The following CNTN5 variants were observed in gnomAD, a reference collection of about 807,000 sequenced individuals.
CNTN5 encodes contactin 5.
In CNTN5, 77 loss-of-function variants were observed where a neutral mutation model predicts 129.1. The ratio of observed to expected loss-of-function variants is 0.60; its 90% CI spans 0.50 to 0.72. The LOEUF is 0.72. CNTN5 is among the 30% of genes least tolerant of loss of function. The pLI is 0.00. For missense variants in CNTN5, 1,478 were observed against 1,328.8 expected (o/e 1.11, Z -1.75); for synonymous variants, 509 against 465.6 (o/e 1.09, Z -1.20).
intron 1 of CNTN5, among the ~76,000 whole-genome samples, chr11:99,212,296 C>T (rs1204861493): frequency 1.3e-5 from 2 of 152,300 alleles, no homozygotes; most frequent in East Asian, 3.9e-4. Flanking sequence ...CTATACCAAT[C>T]TCCCCTGAGT....
At chr11:100,326,685 T>C (rs1230371846) in intron 21 of CNTN5, among the ~76,000 whole-genome samples, 2 of 152,158 alleles carry the variant, frequency 1.3e-5, no homozygotes, top group South Asian at 2.1e-4. Flanking sequence ...AAAGCAATCA[T>C]GAATAAATTA....
At chr11:100,168,850 G>T (rs563219285) in intron 13 of CNTN5, among the ~76,000 whole-genome samples, 2 of 152,036 alleles carry the variant, frequency 1.3e-5, no homozygotes, top group South Asian at 2.1e-4. Context: ...CATTGTAGAT[G>T]CCATTAAGAA....
chr11:100,007,317 G>T (rs1382093592), intron 9 of CNTN5, among the ~76,000 whole-genome samples: 1 of 152,058 alleles, frequency 6.6e-6, no homozygotes, highest in Admixed American at 6.6e-5. Context: ...CCTGTCCTTT[G>T]AAGTTTTGAA....
intron 3 of CNTN5, among the ~76,000 whole-genome samples, chr11:99,584,448 A>G (rs1040434858): frequency 7.9e-5 from 12 of 152,190 alleles, no homozygotes; most frequent in Admixed American, 6.5e-5. Context: ...TTATAATACA[A>G]TAATGTTATT....
intron 1 of CNTN5, among the ~76,000 whole-genome samples, chr11:99,258,870 A>G (rs566686380): frequency 1.3e-5 from 2 of 152,064 alleles, no homozygotes; most frequent in South Asian, 4.1e-4. Flanking sequence ...ATAATTACAA[A>G]AAACATTCTG....
chr11:100,128,462 T>A (rs1373939433), intron 13 of CNTN5, among the ~76,000 whole-genome samples: 1 of 152,152 alleles, frequency 6.6e-6, no homozygotes, highest in Non-Finnish European at 1.5e-5. Flanking sequence ...TATGTCACTT[T>A]ACATGGCAAA....
chr11:100,290,879 A>T (rs1354392863), intron 18 of CNTN5, among the ~76,000 whole-genome samples: 2 of 151,540 alleles, frequency 1.3e-5, no homozygotes, highest in African/African-American at 4.8e-5. Flanking sequence ...GCTAATATCC[A>T]GAATCTACAA....
At chr11:99,732,224 AT>A (rs137989867) in intron 3 of CNTN5, among the ~76,000 whole-genome samples, 14,507 of 152,098 alleles carry the variant, frequency 0.095, 840 homozygotes, top group Non-Finnish European at 0.13. Flanking sequence ...GAAAAACTGC[AT>A]TTGAGGTTGT....
chr11:100,052,911 C>A (rs748575816), intron 9 of CNTN5, among the ~76,000 whole-genome samples: 1 of 151,608 alleles, frequency 6.6e-6, no homozygotes, highest in Non-Finnish European at 1.5e-5. Context: ...ATTTACCTGC[C>A]TTCTAAAGTC....
At chr11:99,519,449 T>C (rs2135433987) in intron 2 of CNTN5, among the ~76,000 whole-genome samples, 1 of 152,242 alleles carries the variant, frequency 6.6e-6, no homozygotes, top group South Asian at 2.1e-4. Context: ...TGTGGGGATA[T>C]GTGTGTTTCT....
chr11:99,401,991 G>A (rs188585671), intron 2 of CNTN5, among the ~76,000 whole-genome samples: 3 of 152,076 alleles, frequency 2.0e-5, no homozygotes, highest in Admixed American at 6.6e-5. Context: ...GTTTTTTCAC[G>A]TTTAAGATTG....
At chr11:99,116,684 A>T (rs1208586172) in intron 1 of CNTN5, among the ~76,000 whole-genome samples, 2 of 152,212 alleles carry the variant, frequency 1.3e-5, no homozygotes, top group East Asian at 3.9e-4. Context: ...ATGATTTAAG[A>T]GTATTATCTC....
intron 2 of CNTN5, among the ~76,000 whole-genome samples, chr11:99,500,433 C>T (rs886292374): frequency 2.0e-5 from 3 of 151,936 alleles, no homozygotes; most frequent in African/African-American, 7.3e-5. Context: ...TTTTTCTAAA[C>T]TCTCGTTTCT....
chr11:100,069,326 T>A (rs1591175844), intron 10 of CNTN5, among the ~76,000 whole-genome samples: 1 of 151,976 alleles, frequency 6.6e-6, no homozygotes, highest in Admixed American at 6.6e-5. Flanking sequence ...ATAATTTTTT[T>A]TTTTTTATTT....
rs144595316 is a variant in CNTN5 at position 99,625,829 on chromosome 11, C to T, written c.55+69560C>T. The stretch of plus-strand genomic sequence containing the variant: ...ATACTTTTTAGATATTTCACGATGA[C>T]GTAAGAAGTAGAAAGATGAGTGAAA... On this transcript the variant is annotated intron_variant, in intron 3 of 24. Coordinates refer to ENST00000524871, the MANE Select transcript of CNTN5 (RefSeq NM_014361.4). Among the ~76,000 whole-genome samples, 1,056 of 150,920 alleles carry T rather than the reference C, an allele frequency of 7.0e-3. 11 individuals carry two copies. Among genetic ancestry groups the T allele is most frequent in the Non-Finnish European group, 7.3e-3 (494 of 67,852 alleles).
Position 99,845,151 on chromosome 11 carries a change from A to T in CNTN5, c.466A>T (p.Thr156Ser), listed in dbSNP as rs201145645. 4.3e-5 allele frequency: 70 copies of T among 1,613,674 alleles called. No homozygotes were observed. In the East Asian group the frequency reaches 1.5e-3, roughly 35 times the overall value. Residue 156 changes from threonine to serine, a missense_variant, in exon 6 of 25, where the codon ACC becomes TCC. Physicochemically the swap from Thr to Ser is moderately conservative, Grantham distance 58. Coordinates refer to ENST00000524871, the MANE Select transcript of CNTN5 (RefSeq NM_014361.4). ...SDYRYSLIDG[T>S]FIISNPSEAK... is the part of the protein sequence containing the mutation. ...TTATCGCTACAGTTTGATAGATGGC[A>T]CCTTCATTATAAGCAATCCAAGTGA...
rs544710522 is a variant in CNTN5, at chr11:99,732,829, G to A, written c.56-86715G>A. On this transcript the variant is annotated intron_variant, in intron 3 of 24. Transcript: ENST00000524871. Reference sequence around the variant, plus strand: ...GTATGAAAGATTAGTGGGACTGAAAGCGACCAGTTAAGATGCTGGTGGAAT... The same window carrying A: ...GTATGAAAGATTAGTGGGACTGAAAACGACCAGTTAAGATGCTGGTGGAAT... 4.0e-5 allele frequency among the ~76,000 whole-genome samples: 6 copies of A among 151,050 alleles called. No individual in the cohort carries two copies. The East Asian group carries it at 1.2e-3, about 30-fold the overall frequency.
At chr11:99,895,439 T>G (rs1382078033) in intron 6 of CNTN5, among the ~76,000 whole-genome samples, 4 of 152,188 alleles carry the variant, frequency 2.6e-5, no homozygotes, top group Non-Finnish European at 4.4e-5. Flanking sequence ...TAGACCCAGA[T>G]AGTGCCATGC....
At chr11:99,885,498 C>A (rs1948878406) in intron 6 of CNTN5, among the ~76,000 whole-genome samples, 1 of 151,914 alleles carries the variant, frequency 6.6e-6, no homozygotes, top group Admixed American at 6.6e-5. Flanking sequence ...ATGTTATTTA[C>A]AAAATTGTAA....
Sources: gnomAD v4.1 joint callset for allele counts (sites outside exome capture counted in the v4.1 genomes callset) on GRCh38, gnomAD v4.1.1 for gene constraint, MANE v1.5 for transcripts, NCBI Gene and HGNC (gene_info 2026-07-23, HGNC 2026-07-21) for gene names.